Variants in GRAP2 observed in about 807,000 individuals in gnomAD.
GRAP2 encodes GRB2 related adaptor protein 2.
In GRAP2, 31 loss-of-function variants were observed where a neutral mutation model predicts 43.5. The ratio of observed to expected loss-of-function variants is 0.71; its 90% CI spans 0.54 to 0.96. The LOEUF is 0.96. Among genes scored for constraint, GRAP2 ranks in the 40% least tolerant of loss-of-function variants. GRAP2 has a pLI of 0.00. For missense variants in GRAP2, 371 were observed against 424.4 expected, an observed-to-expected ratio of 0.87 and a Z score of 1.11; for synonymous variants, 156 against 164.8, an observed-to-expected ratio of 0.95 and a Z score of 0.41.
chr22:39,921,918 GC>G lies in GRAP2; in HGVS notation c.-15+20590del, dbSNP rs1601698527. ...ACTCCTGGGCTCAAGCAATCCTCCA[GC>G]CTAAGCCTCCCCAAAACTTCTTATT... On this transcript the variant is annotated intron_variant, in intron 1 of 7. Transcript: ENST00000344138. Among the ~76,000 whole-genome samples the G allele has an allele frequency of 5.3e-5, 8 of 152,198 alleles. No individual in the cohort carries two copies. In the South Asian group the frequency reaches 1.5e-3, roughly 28 times the overall value.
intron 1 of GRAP2, among the ~76,000 whole-genome samples, chr22:39,933,019 A>C (rs2066771645): frequency 1.3e-5 from 2 of 152,236 alleles, no homozygotes; most frequent in South Asian, 4.1e-4. Flanking sequence ...GCACTGAGCA[A>C]GGGGTAGATA....
upstream of GRAP2, among the ~76,000 whole-genome samples, chr22:39,900,650 G>A (rs1429354506): frequency 6.6e-6 from 1 of 152,150 alleles, no homozygotes; most frequent in Non-Finnish European, 1.5e-5. Context: ...GGCAAACCTG[G>A]GGTGAGAATG....
rs538243012 is a variant in GRAP2, at chr22:39,966,294, C to T, written c.459+136C>T. On this transcript the variant is annotated intron_variant, in intron 5 of 7. Transcript: ENST00000344138. ...AAGACAGAGCTCAGAGCTCTGAGGT[C>T]AGATCTCAACTTAACACTTCCTAGT... The T allele has an allele frequency of 3.9e-5, 26 of 670,246 alleles. No homozygotes were observed. In the African/African-American group the frequency reaches 4.5e-4, roughly 12 times the overall value. 41.5% of individuals were successfully genotyped at this position (670,246 alleles called of 1,614,324 possible).
intron 2 of GRAP2, chr22:39,947,506 G>C (rs1366218632): frequency 6.0e-6 from 2 of 331,578 alleles, no homozygotes; most frequent in Non-Finnish European, 1.1e-5. Flanking sequence ...CTTGAAAGAT[G>C]GGGGTTGTAG....
intron 2 of GRAP2, among the ~76,000 whole-genome samples, chr22:39,952,935 C>T (rs993496577): frequency 5.9e-5 from 9 of 152,174 alleles, no homozygotes; most frequent in African/African-American, 2.2e-4. Flanking sequence ...TTTCAAATGG[C>T]TGATTGACTT....
upstream of GRAP2, among the ~76,000 whole-genome samples, chr22:39,899,265 T>A (rs989922095): frequency 6.6e-6 from 1 of 152,220 alleles, no homozygotes; most frequent in Non-Finnish European, 1.5e-5. Context: ...TGGGGAGTAG[T>A]GCCTGGTGCA....
chr22:39,960,216 GT>G (rs1445103781), intron 4 of GRAP2, 42 bp downstream of exon 4: 2 of 1,591,728 alleles, frequency 1.3e-6, no homozygotes, highest in Admixed American at 1.7e-5. Flanking sequence ...TTCTCGGCCT[GT>G]TAACCTCACA....
the GRAP2 span, among the ~76,000 whole-genome samples, chr22:39,894,644 G>C: frequency 2.0e-5 from 3 of 152,178 alleles, no homozygotes; most frequent in African/African-American, 7.2e-5. Context: ...ACAATGATGG[G>C]GTAGCTCCAG....
intron 1 of GRAP2, among the ~76,000 whole-genome samples, chr22:39,936,402 G>C (rs895981805): frequency 2.0e-5 from 3 of 152,212 alleles, no homozygotes; most frequent in Non-Finnish European, 4.4e-5. Flanking sequence ...TAGCAGCAGA[G>C]TGAGGCTCGA....
intron 1 of GRAP2, chr22:39,946,844 C>T (rs1022391632): frequency 1.7e-5 from 7 of 419,740 alleles, no homozygotes; most frequent in Middle Eastern, 6.3e-4. Flanking sequence ...GGAAAGGCTG[C>T]GGATGGCCTT....
rs189097111 is a variant in GRAP2, at chr22:39,943,757, G to A, written c.-14-3336G>A. 3.7e-4 allele frequency among the ~76,000 whole-genome samples: 52 copies of A among 141,862 alleles called. No individual in the cohort carries two copies. The Middle Eastern group carries it at 0.022, about 60-fold the overall frequency. The allele number at this position is 141,862 out of a possible 152,430, so 93.1% of individuals were successfully genotyped here. A position where few individuals can be genotyped will look rare whatever the true frequency, so the allele number is the denominator to read the frequency against. On this transcript the variant is annotated intron_variant, in intron 1 of 7. Transcript: ENST00000344138. Reference sequence around the variant, plus strand: ...TTTTTTTAAGATGGAGTCTCACTCTGTCGCTAGACTGGAGTGCAGTGGTGC... The same window carrying A: ...TTTTTTTAAGATGGAGTCTCACTCTATCGCTAGACTGGAGTGCAGTGGTGC...
upstream of GRAP2, among the ~76,000 whole-genome samples, chr22:39,900,868 A>G (rs1262602244): frequency 6.6e-6 from 1 of 152,196 alleles, no homozygotes; most frequent in African/African-American, 2.4e-5. Flanking sequence ...TTGCTGATGG[A>G]CCATATCAAG....
At chr22:39,933,122 T>C (rs1357039811) in intron 1 of GRAP2, among the ~76,000 whole-genome samples, 2 of 145,456 alleles carry the variant, frequency 1.4e-5, no homozygotes, top group Non-Finnish European at 3.0e-5. Context: ...CAGTTGAAAT[T>C]AGACCCGGTG....
chr22:39,952,122 G>A (rs2066990924), intron 2 of GRAP2, among the ~76,000 whole-genome samples: 1 of 151,720 alleles, frequency 6.6e-6, no homozygotes, highest in Non-Finnish European at 1.5e-5. Context: ...CGCCTCCTGG[G>A]TTCAAGCAAT....
At chr22:39,922,436 C>G (rs756535548) in intron 1 of GRAP2, among the ~76,000 whole-genome samples, 1 of 152,164 alleles carries the variant, frequency 6.6e-6, no homozygotes, top group Non-Finnish European at 1.5e-5. Flanking sequence ...ACCTTACATG[C>G]CTTACATGGG....
At position 39,971,280 on chromosome 22, in the gene GRAP2, A is replaced by G; in HGVS notation, c.*196A>G. 1.9e-6 allele frequency: 1 copy of G among 538,776 alleles called. No individual in the cohort carries two copies. Among genetic ancestry groups the G allele is most frequent in the Non-Finnish European group, 3.2e-6 (1 of 312,606 alleles). 33.4% of individuals were successfully genotyped at this position (538,776 alleles called of 1,614,324 possible). ...ATGCAAAAGGGAACTCAGGTGGAGA[A>G]TAATATTGACACTTGCTTTTCTGCC... On this transcript the variant is annotated 3_prime_UTR_variant, in exon 8 of 8. Coordinates refer to ENST00000344138, the MANE Select transcript of GRAP2 (RefSeq NM_004810.4).
intron 4 of GRAP2, chr22:39,964,234 C>CAG: frequency 1.7e-6 from 1 of 598,812 alleles, no homozygotes; most frequent in Non-Finnish European, 2.9e-6. Flanking sequence ...GCCCACCCTT[C>CAG]CTAGATGGAT....
At chr22:39,913,713 G>A (rs1344568358) in intron 1 of GRAP2, among the ~76,000 whole-genome samples, 1 of 152,148 alleles carries the variant, frequency 6.6e-6, no homozygotes, top group Non-Finnish European at 1.5e-5. Context: ...AACAGAACTC[G>A]AGAGGTCCTC....
At chr22:39,955,788 A>C (rs554115583) in intron 2 of GRAP2, 31 bp from the exon 3 acceptor site, 1 of 1,144,310 alleles carries the variant, frequency 8.7e-7, no homozygotes, top group East Asian at 2.3e-5. Flanking sequence ...CCTCCCTCCA[A>C]TGTCTTTGTC....
Sources: allele counts gnomAD v4.1 joint callset (sites outside exome capture counted in the v4.1 genomes callset), GRCh38; gene constraint gnomAD v4.1.1; transcripts MANE v1.5; gene names NCBI Gene and HGNC (gene_info 2026-07-23, HGNC 2026-07-21).